Variants in TAFA1 observed in about 807,000 individuals in gnomAD.
TAFA1 encodes chemokine-like protein TAFA-1.
TAFA1 carries 4 observed loss-of-function variants against 18.5 expected under a neutral mutation model. That is an observed-to-expected ratio of 0.22 (90% CI 0.11 to 0.49). The LOEUF is 0.49. Ranked by LOEUF, TAFA1 falls within the 20% of genes least tolerant of loss-of-function variation. The pLI is 0.98. For missense variants in TAFA1, 147 were observed against 169.0 expected (o/e 0.87, Z 0.72); for synonymous variants, 56 against 55.2 (o/e 1.01, Z -0.06).
intron 3 of TAFA1, among the ~76,000 whole-genome samples, chr3:68,513,235 A>T (rs1482201509): frequency 6.6e-6 from 1 of 152,134 alleles, no homozygotes; most frequent in African/African-American, 2.4e-5. Flanking sequence ...GGAGTGAAGG[A>T]GTAGTGAGTT....
At chr3:68,316,375 G>A (rs894496523) in intron 2 of TAFA1, among the ~76,000 whole-genome samples, 3 of 151,942 alleles carry the variant, frequency 2.0e-5, no homozygotes, top group Non-Finnish European at 4.4e-5. Context: ...TATACCCTCA[G>A]GTAAAAAAAG....
chr3:68,259,117 A>G (rs1037503156), intron 2 of TAFA1, among the ~76,000 whole-genome samples: 5 of 152,180 alleles, frequency 3.3e-5, no homozygotes, highest in African/African-American at 1.2e-4. Flanking sequence ...TTAATTTCCA[A>G]AAGCTCCCAG....
At chr3:68,368,077 G>A (rs191583425) in intron 2 of TAFA1, among the ~76,000 whole-genome samples, 72 of 152,160 alleles carry the variant, frequency 4.7e-4, no homozygotes, top group African/African-American at 1.6e-3. Context: ...GCCATTCTAC[G>A]TGTAAATATA....
chr3:68,239,486 C>A (rs1476988979), intron 2 of TAFA1, among the ~76,000 whole-genome samples: 2 of 151,978 alleles, frequency 1.3e-5, no homozygotes, highest in Non-Finnish European at 2.9e-5. Context: ...ATATTTCACC[C>A]TTTATCCAGG....
intron 2 of TAFA1, among the ~76,000 whole-genome samples, chr3:68,325,306 G>A (rs535530068): frequency 5.5e-4 from 84 of 152,264 alleles, no homozygotes; most frequent in African/African-American, 1.9e-3. Flanking sequence ...CGAGTTAAGA[G>A]CCACATCATC....
intron 2 of TAFA1, among the ~76,000 whole-genome samples, chr3:68,162,632 A>T (rs879421823): frequency 7.9e-5 from 12 of 152,246 alleles, no homozygotes; most frequent in Admixed American, 2.0e-4. Context: ...AATAGTGTGG[A>T]CTTTATTTTG....
chr3:68,538,660 G>T, intron 3 of TAFA1, 96 bp from the exon 4 acceptor site: 1 of 1,239,188 alleles, frequency 8.1e-7, no homozygotes, highest in South Asian at 1.4e-5. Context: ...AACTTAGTGT[G>T]CTTCCAAGAA....
intron 2 of TAFA1, among the ~76,000 whole-genome samples, chr3:68,332,158 C>G (rs527364675): frequency 6.6e-6 from 1 of 151,354 alleles, no homozygotes; most frequent in Non-Finnish European, 1.5e-5. Flanking sequence ...CCACCGCGCC[C>G]GGCCAAGGAT....
At chr3:68,180,994 A>G (rs1455341150) in intron 2 of TAFA1, among the ~76,000 whole-genome samples, 1 of 152,236 alleles carries the variant, frequency 6.6e-6, no homozygotes, top group African/African-American at 2.4e-5. Context: ...GGTTTTCATG[A>G]AACAAGCTGC....
chr3:68,148,041 C>A (rs2065763809), intron 2 of TAFA1, among the ~76,000 whole-genome samples: 1 of 152,232 alleles, frequency 6.6e-6, no homozygotes, highest in African/African-American at 2.4e-5. Flanking sequence ...TGCCAATGTT[C>A]TTGTCTTTGA....
chr3:68,235,922 G>A (rs565505107), intron 2 of TAFA1, among the ~76,000 whole-genome samples: 4 of 152,166 alleles, frequency 2.6e-5, no homozygotes, highest in Admixed American at 6.5e-5. Flanking sequence ...GAGTATCTAC[G>A]TGGCCAACTC....
intron 2 of TAFA1, among the ~76,000 whole-genome samples, chr3:68,112,831 T>A (rs569638102): frequency 1.3e-5 from 2 of 152,002 alleles, no homozygotes; most frequent in Non-Finnish European, 2.9e-5. Flanking sequence ...ATCAAAATAA[T>A]CAAATACTAA....
chr3:68,452,011 G>T (rs1459631542), intron 3 of TAFA1, among the ~76,000 whole-genome samples: 1 of 152,116 alleles, frequency 6.6e-6, no homozygotes, highest in Non-Finnish European at 1.5e-5. Flanking sequence ...TCTGAGGGAG[G>T]TGTTCAGATG....
intron 2 of TAFA1, among the ~76,000 whole-genome samples, chr3:68,390,457 C>A (rs1016939719): frequency 1.3e-5 from 2 of 152,182 alleles, no homozygotes; most frequent in African/African-American, 2.4e-5. Context: ...TCCTGCCTGC[C>A]AGCTCAGAAG....
At chr3:68,285,556 A>T (rs1211493888) in intron 2 of TAFA1, among the ~76,000 whole-genome samples, 1 of 152,146 alleles carries the variant, frequency 6.6e-6, no homozygotes, top group African/African-American at 2.4e-5. Context: ...ATAAGGTAAG[A>T]TGTACCACAG....
chr3:68,056,896 G>T, intron 2 of TAFA1, among the ~76,000 whole-genome samples: 1 of 152,124 alleles, frequency 6.6e-6, no homozygotes, highest in East Asian at 1.9e-4. Context: ...GACGAGTAGG[G>T]AAAATTAGCA....
chr3:68,165,175 C>T lies in TAFA1; in HGVS notation c.118+158431C>T, dbSNP rs188646333. ...GACTGCTGGAATTTTAGAATCTCAC[C>T]TTCTATCTGATGAGTGACTCTCTGT... On this transcript the variant is annotated intron_variant, in intron 2 of 4. Coordinates refer to ENST00000478136, the MANE Select transcript of TAFA1 (RefSeq NM_213609.4). 2.6e-5 allele frequency among the ~76,000 whole-genome samples: 4 copies of T among 152,286 alleles called. No individual in the cohort carries two copies. In the East Asian group the frequency reaches 7.7e-4, roughly 29 times the overall value.
chr3:68,298,275 T>A (rs1010346744), intron 2 of TAFA1, among the ~76,000 whole-genome samples: 1 of 152,120 alleles, frequency 6.6e-6, no homozygotes, highest in Non-Finnish European at 1.5e-5. Flanking sequence ...GGATCCAACA[T>A]ATTGAATTAG....
intron 2 of TAFA1, among the ~76,000 whole-genome samples, chr3:68,339,631 T>C (rs1006572929): frequency 6.6e-6 from 1 of 152,256 alleles, no homozygotes; most frequent in African/African-American, 2.4e-5. Context: ...ATTTTTGCAG[T>C]GTGTACAACT....
Sources: gnomAD v4.1 joint callset for allele counts (sites outside exome capture counted in the v4.1 genomes callset) on GRCh38, gnomAD v4.1.1 for gene constraint, MANE v1.5 for transcripts, NCBI Gene and HGNC (gene_info 2026-07-23, HGNC 2026-07-21) for gene names.